The following CABLES1 variants were observed in gnomAD, a reference collection of about 807,000 sequenced individuals.
CABLES1 encodes CDK5 and ABL1 enzyme substrate 1.
In CABLES1, 36 loss-of-function variants were observed where a neutral mutation model predicts 57.8. That is an observed-to-expected ratio of 0.62 (90% CI 0.48 to 0.82). The LOEUF (loss-of-function observed/expected upper bound fraction) is 0.82, where lower values mean the gene tolerates loss of function less well. Among genes scored for constraint, CABLES1 ranks in the 40% least tolerant of loss-of-function variants. The pLI is 0.00. For missense variants in CABLES1, 767 were observed against 836.6 expected, an observed-to-expected ratio of 0.92 and a Z score of 1.03; for synonymous variants, 374 against 363.0, an observed-to-expected ratio of 1.03 and a Z score of -0.35.
intron 7 of CABLES1, among the ~76,000 whole-genome samples, chr18:23,242,803 A>G (rs551947424): frequency 6.6e-6 from 1 of 152,308 alleles, no homozygotes; most frequent in Admixed American, 6.5e-5. Flanking sequence ...TTTACCGAAT[A>G]TTAAAATCTA....
rs375982901 is a variant in CABLES1, at chr18:23,136,426, G to C, written c.664G>C (p.Ala222Pro). 5 of 1,601,482 alleles carry C rather than the reference G, an allele frequency of 3.1e-6. No homozygotes were observed. In the African/African-American group the frequency reaches 5.4e-5, roughly 17 times the overall value. Residue 222 changes from alanine (A) to proline (P), a missense_variant, in exon 1 of 10, where the codon GCC becomes CCC. Ala to Pro is a conservative substitution (Grantham distance 27). Around this residue, in one of 4 missense-constraint regions of CABLES1, gnomAD observed 529 missense variants for 622.8 expected, o/e 0.85. Transcript: ENST00000256925. ...DAFISVQVPAAAFLGSGTPGS... is the reference protein window; with the variant it reads ...DAFISVQVPAPAFLGSGTPGS... ...CTTTATCAGCGTGCAGGTGCCGGCG[G>C]CCGCCTTTTTGGGCTCCGGGACCCC...
chr18:23,184,779 G>A (rs138122358), intron 1 of CABLES1, among the ~76,000 whole-genome samples: 32 of 152,282 alleles, frequency 2.1e-4, no homozygotes, highest in South Asian at 1.2e-3. Context: ...ATCTGGGTGC[G>A]AGCATGGTTG....
chr18:23,222,026 A>G (rs1287947068), intron 4 of CABLES1, among the ~76,000 whole-genome samples: 1 of 152,222 alleles, frequency 6.6e-6, no homozygotes, highest in African/African-American at 2.4e-5. Flanking sequence ...GAGACTGCAT[A>G]GATGTCCAAA....
intron 1 of CABLES1, among the ~76,000 whole-genome samples, chr18:23,181,815 A>C (rs913909836): frequency 6.6e-6 from 1 of 152,186 alleles, no homozygotes; most frequent in Non-Finnish European, 1.5e-5. Context: ...ACCAAAGCAA[A>C]TAATGACAAG....
At chr18:23,225,559 C>T (rs1043875656) in intron 4 of CABLES1, among the ~76,000 whole-genome samples, 1 of 152,112 alleles carries the variant, frequency 6.6e-6, no homozygotes, top group Non-Finnish European at 1.5e-5. Context: ...CAGATGTTGC[C>T]CAGCTTTTTC....
At chr18:23,145,412 G>T (rs921065999) in intron 1 of CABLES1, among the ~76,000 whole-genome samples, 8 of 152,064 alleles carry the variant, frequency 5.3e-5, no homozygotes, top group Non-Finnish European at 1.0e-4. Context: ...TTTTTGTCCT[G>T]TTCTCCTCTT....
intron 1 of CABLES1, among the ~76,000 whole-genome samples, chr18:23,164,041 G>T (rs1319281465): frequency 6.6e-6 from 1 of 152,156 alleles, no homozygotes; most frequent in Non-Finnish European, 1.5e-5. Context: ...CCAGGATCAG[G>T]TTCCTAACTA....
chr18:23,210,867 T>C (rs868140117), intron 3 of CABLES1, among the ~76,000 whole-genome samples: 13 of 152,080 alleles, frequency 8.5e-5, no homozygotes, highest in South Asian at 2.1e-4. Flanking sequence ...TATGAAATGA[T>C]TGGAGAAGGG....
Position 23,213,958 on chromosome 18 carries a change from T to C in CABLES1, c.1011-19T>C, listed in dbSNP as rs567587470. On this transcript the variant is annotated intron_variant, in intron 3 of 9. Coordinates refer to ENST00000256925, the MANE Select transcript of CABLES1 (RefSeq NM_001100619.3). ...TGCATTTAGTGTGTTTGTTGTTTGT[T>C]CTTCTTTTTATTTTTTAGAATAGTC... 1.2e-5 allele frequency: 18 copies of C among 1,519,704 alleles called. No individual in the cohort carries two copies. The South Asian group carries it at 2.1e-4, about 18-fold the overall frequency. The allele number at this position is 1,519,704 out of a possible 1,614,324, so 94.1% of individuals were successfully genotyped here.
At position 23,172,187 on chromosome 18, in the gene CABLES1, C is replaced by T. The variant is rs1305434402; in HGVS notation, c.846-16651C>T. Among the ~76,000 whole-genome samples, 9 of 152,172 alleles carry T rather than the reference C, an allele frequency of 5.9e-5. No individual in the cohort carries two copies. In the East Asian group the frequency reaches 1.7e-3, roughly 29 times the overall value. On this transcript the variant is annotated intron_variant, in intron 1 of 9. Transcript: ENST00000256925. The stretch of plus-strand genomic sequence containing the variant: ...TATCTGTGACACCTAGGACTGAATA[C>T]TCATATGTAGGTAATGATAGTGACA...
rs775188777 is a variant in CABLES1 at position 23,236,021 on chromosome 18, G to T, written c.1312G>T (p.Ala438Ser). Residue 438 changes from alanine (A) to serine (S), a missense_variant, in exon 6 of 10, where the codon GCA (alanine) becomes TCA (serine). Physicochemically the swap from Ala to Ser is moderately conservative, Grantham distance 99. Transcript: ENST00000256925. ...LSHRSLSIGR[A>S]SGTQGSLDTG... The stretch of plus-strand genomic sequence containing the variant: ...CCACCGCAGCCTCTCCATAGGCCGG[G>T]CAAGCGGCACCCAGGGGAGCCTCGA... 3.0e-5 allele frequency: 49 copies of T among 1,614,088 alleles called. No individual in the cohort carries two copies. Among genetic ancestry groups the T allele is most frequent in the East Asian group, 2.2e-5 (1 of 44,900 alleles).
Position 23,200,714 on chromosome 18 carries a change from G to C in CABLES1, c.1010+6174G>C, listed in dbSNP as rs189185465. Among the ~76,000 whole-genome samples, 1,273 of 152,286 alleles carry C rather than the reference G, an allele frequency of 8.4e-3. 10 individuals carry two copies. Among genetic ancestry groups the C allele is most frequent in the Middle Eastern group, 0.024 (7 of 294 alleles). ...CCATCAACTTCGACTCCTCATTGAT[G>C]GAATAACTTAGTTAAGTGAGGAAGT... On this transcript the variant is annotated intron_variant, in intron 3 of 9. Coordinates refer to ENST00000256925, the MANE Select transcript of CABLES1 (RefSeq NM_001100619.3).
intron 4 of CABLES1, among the ~76,000 whole-genome samples, chr18:23,232,234 G>C (rs1294636901): frequency 1.3e-5 from 2 of 152,140 alleles, no homozygotes; most frequent in African/African-American, 2.4e-5. Context: ...CTTAATTTCA[G>C]CCCTAAGTAA....
In CABLES1 at chr18:23,224,571, T is replaced by C. The variant is rs546734506; in HGVS notation, c.1089-10037T>C. 2.7e-3 allele frequency among the ~76,000 whole-genome samples: 380 copies of C among 141,970 alleles called. 1 individual carries two copies. The highest frequency in any genetic ancestry group is 9.7e-3 in the African/African-American group (370 of 38,030). 93.1% of individuals were successfully genotyped at this position (141,970 alleles called of 152,430 possible). On this transcript the variant is annotated intron_variant, in intron 4 of 9. Coordinates refer to ENST00000256925, the MANE Select transcript of CABLES1 (RefSeq NM_001100619.3). ...TGTCCAGTCACAGAGCTTTTTTTTTTTTTTTTTTTTTTTTGGAGACAGAGT... is the reference window on the plus strand; with the variant it reads ...TGTCCAGTCACAGAGCTTTTTTTTTCTTTTTTTTTTTTTTGGAGACAGAGT...
At chr18:23,179,248 T>A (rs1191136017) in intron 1 of CABLES1, among the ~76,000 whole-genome samples, 2 of 152,098 alleles carry the variant, frequency 1.3e-5, no homozygotes, top group African/African-American at 4.8e-5. Context: ...ATCGCGCCAC[T>A]GCACTCCACC....
intron 1 of CABLES1, among the ~76,000 whole-genome samples, chr18:23,183,258 C>T (rs1412208744): frequency 6.6e-6 from 1 of 152,150 alleles, no homozygotes; most frequent in Non-Finnish European, 1.5e-5. Context: ...TCTTTCCCCT[C>T]TCTTCTTCCC....
At chr18:23,206,159 C>T (rs895529474) in intron 3 of CABLES1, among the ~76,000 whole-genome samples, 16 of 152,182 alleles carry the variant, frequency 1.1e-4, no homozygotes, top group African/African-American at 1.7e-4. Context: ...CCCTGCCCAC[C>T]GTCCTCCCGC....
chr18:23,214,070 C>T lies in CABLES1; in HGVS notation c.1088+16C>T, dbSNP rs1449870935. 5 of 1,570,628 alleles carry T rather than the reference C, an allele frequency of 3.2e-6. No homozygotes were observed. The East Asian group carries it at 1.1e-4, about 35-fold the overall frequency. ...CCCAAGTCGGGTATGTATATGCATG[C>T]ATGCTTTGTAGTTCTCTGGGTGAAA... is the stretch of plus-strand genomic sequence containing the variant. On this transcript the variant is annotated intron_variant, in intron 4 of 9. Transcript: ENST00000256925.
chr18:23,246,199 GGCTGCA>G, intron 7 of CABLES1, among the ~76,000 whole-genome samples: 1 of 151,886 alleles, frequency 6.6e-6, no homozygotes, highest in African/African-American at 2.4e-5. Flanking sequence ...GGGAGGCAGA[GGCTGCA>G]GTGAGCAGAG....
Sources: gnomAD v4.1 joint callset for allele counts (sites outside exome capture counted in the v4.1 genomes callset) on GRCh38, gnomAD v4.1.1 for gene constraint, gnomAD v4.1.1 regional missense constraint, MANE v1.5 for transcripts, NCBI Gene and HGNC (gene_info 2026-07-23, HGNC 2026-07-21) for gene names.